The following ERBB4 variants were observed in gnomAD, a reference collection of about 807,000 sequenced individuals.
The protein encoded by ERBB4 is receptor tyrosine-protein kinase erbB-4.
A neutral mutation model predicts 158.0 loss-of-function variants in ERBB4; 42 were observed. The ratio of observed to expected loss-of-function variants is 0.27; its 90% CI spans 0.21 to 0.34. ERBB4 has a LOEUF of 0.34. Ranked by LOEUF, ERBB4 falls within the 10% of genes least tolerant of loss-of-function variation. ERBB4 has a pLI of 1.00. For missense variants in ERBB4, 1,333 were observed against 1,624.1 expected, an observed-to-expected ratio of 0.82 and a Z score of 3.08; for synonymous variants, 583 against 558.7, an observed-to-expected ratio of 1.04 and a Z score of -0.61.
At chr2:211,485,673 T>C (rs2065185046) in intron 20 of ERBB4, among the ~76,000 whole-genome samples, 1 of 140,646 alleles carries the variant, frequency 7.1e-6, no homozygotes, top group Non-Finnish European at 1.5e-5. Context: ...TGCTTTGTCT[T>C]GAATATCCAG....
intron 2 of ERBB4, among the ~76,000 whole-genome samples, chr2:211,961,419 T>G (rs1192069922): frequency 6.6e-6 from 1 of 152,198 alleles, no homozygotes. Flanking sequence ...TCGACCTGTT[T>G]GTACTTTCCA....
intron 1 of ERBB4, among the ~76,000 whole-genome samples, chr2:212,424,816 T>G (rs1012638993): frequency 1.3e-5 from 2 of 152,104 alleles, no homozygotes; most frequent in Admixed American, 6.6e-5. Flanking sequence ...AATACTTAGT[T>G]TATGTCTATA....
At chr2:211,587,393 C>A (rs1241526719) in intron 19 of ERBB4, among the ~76,000 whole-genome samples, 1 of 152,010 alleles carries the variant, frequency 6.6e-6, no homozygotes, top group Admixed American at 6.6e-5. Context: ...ATAGAGCATA[C>A]CTCTATTCCA....
chr2:211,688,083 C>A (rs916395052), intron 12 of ERBB4, among the ~76,000 whole-genome samples: 1 of 152,164 alleles, frequency 6.6e-6, no homozygotes, highest in Non-Finnish European at 1.5e-5. Flanking sequence ...ATTCACTCCA[C>A]ATTACATTGT....
At chr2:211,907,132 G>T (rs188128824) in intron 3 of ERBB4, among the ~76,000 whole-genome samples, 1 of 151,606 alleles carries the variant, frequency 6.6e-6, no homozygotes, top group Non-Finnish European at 1.5e-5. Context: ...TATATCTTGG[G>T]GTCTCTTTTT....
At chr2:211,711,126 T>C (rs1474213658) in intron 9 of ERBB4, among the ~76,000 whole-genome samples, 1 of 152,088 alleles carries the variant, frequency 6.6e-6, no homozygotes, top group Non-Finnish European at 1.5e-5. Flanking sequence ...TATTAAAAGC[T>C]ACCTATTAAA....
At chr2:211,861,139 T>TATA (rs2078032948) in intron 3 of ERBB4, among the ~76,000 whole-genome samples, 2 of 35,720 alleles carry the variant, frequency 5.6e-5, no homozygotes, top group Non-Finnish European at 1.0e-4. Context: ...TATATATATA[T>TATA]ATATATATAT....
chr2:212,431,605 A>G (rs1264001034), intron 1 of ERBB4, among the ~76,000 whole-genome samples: 1 of 152,150 alleles, frequency 6.6e-6, no homozygotes, highest in Admixed American at 6.5e-5. Context: ...GCATTCCTCA[A>G]TGGCTTCTCC....
chr2:212,399,834 G>A (rs932003549), intron 1 of ERBB4, among the ~76,000 whole-genome samples: 2 of 151,738 alleles, frequency 1.3e-5, no homozygotes, highest in Admixed American at 6.6e-5. Context: ...AGCCGAGATC[G>A]TGCCACTGCA....
At position 212,191,705 on chromosome 2, in the gene ERBB4, GTT is replaced by G. The variant is rs2082225018; in HGVS notation, c.83-66804_83-66803del. Among the ~76,000 whole-genome samples the G allele has an allele frequency of 5.4e-5, 8 of 147,254 alleles. 1 individual carries two copies. The highest frequency in any genetic ancestry group is 2.0e-4 in the African/African-American group (8 of 40,272). ...GTTATACATGTTACATATAACACGTGTTATACATGTTACATATAACACGTGTT... is the reference window on the plus strand; with the variant it reads ...GTTATACATGTTACATATAACACGTGATACATGTTACATATAACACGTGTT... On this transcript the variant is annotated intron_variant, in intron 1 of 27. Coordinates refer to ENST00000342788, the MANE Select transcript of ERBB4 (RefSeq NM_005235.3).
At chr2:212,222,231 A>G (rs2083311957) in intron 1 of ERBB4, among the ~76,000 whole-genome samples, 1 of 151,594 alleles carries the variant, frequency 6.6e-6, no homozygotes, top group Non-Finnish European at 1.5e-5. Flanking sequence ...TATTATCAGG[A>G]AATTCACAAC....
intron 1 of ERBB4, among the ~76,000 whole-genome samples, chr2:212,386,583 A>C (rs1422076429): frequency 6.6e-6 from 1 of 151,826 alleles, no homozygotes; most frequent in Admixed American, 6.6e-5. Flanking sequence ...AAAAAAAAAA[A>C]AAAAAACCCA....
chr2:211,510,013 C>A (rs2065849255), intron 20 of ERBB4, among the ~76,000 whole-genome samples: 2 of 152,072 alleles, frequency 1.3e-5, no homozygotes, highest in Admixed American at 6.5e-5. Flanking sequence ...ATTCATAAAA[C>A]CTCTATGGAA....
chr2:212,445,041 A>G (rs1482956688), intron 1 of ERBB4, among the ~76,000 whole-genome samples: 1 of 151,754 alleles, frequency 6.6e-6, no homozygotes, highest in Non-Finnish European at 1.5e-5. Flanking sequence ...CAAGGCACTC[A>G]CTTTATAGCT....
chr2:212,017,997 A>G (rs1261678197), intron 2 of ERBB4, among the ~76,000 whole-genome samples: 1 of 152,164 alleles, frequency 6.6e-6, no homozygotes, highest in African/African-American at 2.4e-5. Context: ...CATATGGGAG[A>G]TCAACATTAT....
chr2:212,104,868 T>C (rs2079180272), intron 2 of ERBB4, among the ~76,000 whole-genome samples: 1 of 152,214 alleles, frequency 6.6e-6, no homozygotes. Flanking sequence ...GGCATTATGA[T>C]AGATTCTATA....
At chr2:211,421,001 T>G (rs2063503276) in intron 24 of ERBB4, among the ~76,000 whole-genome samples, 1 of 151,966 alleles carries the variant, frequency 6.6e-6, no homozygotes, top group Non-Finnish European at 1.5e-5. Context: ...TTGGTTGGTT[T>G]GATGCTGTAG....
At chr2:212,203,501 CA>C (rs2082647986) in intron 1 of ERBB4, among the ~76,000 whole-genome samples, 1 of 152,110 alleles carries the variant, frequency 6.6e-6, no homozygotes, top group African/African-American at 2.4e-5. Context: ...TTGGCTTTTA[CA>C]GTGTGAAAGA....
intron 1 of ERBB4, among the ~76,000 whole-genome samples, chr2:212,312,194 T>C (rs1422088124): frequency 6.6e-6 from 1 of 150,988 alleles, no homozygotes; most frequent in South Asian, 2.1e-4. Context: ...GGAACTACTC[T>C]AGGATGGCCC....
Sources: allele counts gnomAD v4.1 joint callset (sites outside exome capture counted in the v4.1 genomes callset), GRCh38; gene constraint gnomAD v4.1.1; transcripts MANE v1.5; gene names NCBI Gene and HGNC (gene_info 2026-07-23, HGNC 2026-07-21).